The following HDAC4 variants were observed in gnomAD, a reference collection of about 807,000 sequenced individuals.
HDAC4 encodes histone deacetylase 4, also known as histone deacetylase A.
A neutral mutation model predicts 135.1 loss-of-function variants in HDAC4; 16 were observed. The observed-to-expected ratio is 0.12, with a 90% CI of 0.08 to 0.18. HDAC4 has a LOEUF of 0.18. HDAC4 is among the 10% of genes least tolerant of loss of function. The probability of loss-of-function intolerance (pLI) is 1.00; values close to 1 mark genes in which losing one functional copy is unlikely to be tolerated. For synonymous variants in HDAC4, 685 were observed against 653.4 expected (o/e 1.05, Z -0.74); for missense variants, 1,143 against 1,511.8 (o/e 0.76, Z 4.05).
At position 239,126,567 on chromosome 2, in the gene HDAC4, C is replaced by A; in HGVS notation, c.1422G>T (p.Pro474=). ...GCAGAGCCTGGGCGTTCTGGGGCAG[C>A]GGGGCCGACTGGGTCCGCCCCAGTG... ...HRPLGRTQSA[P]LPQNAQALQH... The change falls in exon 12 of 27, where the codon CCG becomes CCT. Residue 474 remains proline, a synonymous_variant. Coordinates refer to ENST00000543185, the MANE Select transcript of HDAC4 (RefSeq NM_001378414.1). The A allele has an allele frequency of 6.2e-7, 1 of 1,613,712 alleles. No individual in the cohort carries two copies. The highest frequency in any genetic ancestry group is 8.5e-7 in the Non-Finnish European group (1 of 1,179,928).
chr2:239,136,950 C>T (rs56019755), intron 9 of HDAC4, among the ~76,000 whole-genome samples: 3 of 152,114 alleles, frequency 2.0e-5, no homozygotes, highest in African/African-American at 4.8e-5. Context: ...TAAAGGGCTA[C>T]TGAGGAAAAC....
chr2:239,054,890 G>GACGGGTGTTCCGAGACTGCAACTGTTTC (rs2106413113), intron 24 of HDAC4, 57 bp from the exon 25 acceptor site: 1 of 1,182,576 alleles, frequency 8.5e-7, no homozygotes, highest in Non-Finnish European at 1.3e-6. Flanking sequence ...ACGTGCGTTA[G>GACGGGTGTTCCGAGACTGCAACTGTTTC]ACGGGTGTTC....
Position 239,067,694 on chromosome 2 carries a change from G to A in HDAC4, c.2869+795C>T, listed in dbSNP as rs113744937. Among the ~76,000 whole-genome samples the A allele has an allele frequency of 3.3e-5, 5 of 152,300 alleles. 1 individual carries two copies. Among genetic ancestry groups the A allele is most frequent in the African/African-American group, 1.2e-4 (5 of 41,576 alleles). ...TGGTGGACTGTGGGAGGCCCCAGGG[G>A]AGCACAGCCACCGAGGGCTGCCTCA... On this transcript the variant is annotated intron_variant, in intron 23 of 26. Coordinates refer to ENST00000543185, the MANE Select transcript of HDAC4 (RefSeq NM_001378414.1).
At chr2:239,192,663 G>A (rs577210045) in intron 3 of HDAC4, among the ~76,000 whole-genome samples, 2 of 152,302 alleles carry the variant, frequency 1.3e-5, no homozygotes, top group Non-Finnish European at 2.9e-5. Flanking sequence ...GTGAATGACT[G>A]TCAGGTTGCG....
At chr2:239,332,885 T>G (rs1304239351) in intron 2 of HDAC4, among the ~76,000 whole-genome samples, 1 of 148,818 alleles carries the variant, frequency 6.7e-6, no homozygotes, top group Non-Finnish European at 1.5e-5. Context: ...GGGATGACAC[T>G]ACAAATCCTA....
rs1172289912 is a variant in HDAC4, at chr2:239,050,536, C to G, written c.*2561G>C. ...AGGGAGGGGAAAGTCAAACAAGTCC[C>G]AAGACCGTTCTGCCTGCTCTCAAAC... On this transcript the variant is annotated 3_prime_UTR_variant, in exon 27 of 27. Coordinates refer to ENST00000543185, the MANE Select transcript of HDAC4 (RefSeq NM_001378414.1). 1 of 152,600 alleles carries G rather than the reference C, an allele frequency of 6.6e-6. No homozygotes were observed. The highest frequency in any genetic ancestry group is 1.5e-5 in the Non-Finnish European group (1 of 68,092). The allele number at this position is 152,600 out of a possible 1,614,324, so 9.5% of individuals were successfully genotyped here.
chr2:239,352,808 C>A lies in HDAC4; in HGVS notation c.-109G>T. 1 of 1,114,548 alleles carries A rather than the reference C, an allele frequency of 9.0e-7. No individual in the cohort carries two copies. The highest frequency in any genetic ancestry group is 1.3e-5 in the South Asian group (1 of 75,162). 69.0% of individuals were successfully genotyped at this position (1,114,548 alleles called of 1,614,324 possible). A position where few individuals can be genotyped will look rare whatever the true frequency, so the allele number is the denominator to read the frequency against. On this transcript the variant is annotated 5_prime_UTR_variant, in exon 2 of 27. Transcript: ENST00000543185. The surrounding 1 kb of genome is among the most constrained non-coding windows in gnomAD (Gnocchi z 4.4). The stretch of plus-strand genomic sequence containing the variant: ...CCACCAACACATACAAGTACCGGGA[C>A]GGTGAGGGCTGGGTCACAGACGTTC...
At chr2:239,265,646 C>T (rs996692752) in intron 2 of HDAC4, among the ~76,000 whole-genome samples, 1 of 152,192 alleles carries the variant, frequency 6.6e-6, no homozygotes, top group Non-Finnish European at 1.5e-5. Flanking sequence ...GATGCCAATG[C>T]TCACCAGGCC....
chr2:239,169,279 A>G (rs2043301271), intron 5 of HDAC4, among the ~76,000 whole-genome samples: 1 of 152,238 alleles, frequency 6.6e-6, no homozygotes, highest in Non-Finnish European at 1.5e-5. Context: ...GAACCACAGA[A>G]GCGTGGAGGG....
rs546519650 is a variant in HDAC4, at chr2:239,262,224, T to C, written c.23-25560A>G. Among the ~76,000 whole-genome samples the C allele has an allele frequency of 5.3e-5, 8 of 152,320 alleles. 1 individual carries two copies. In the South Asian group the frequency reaches 1.5e-3, roughly 28 times the overall value. Reference sequence around the variant, plus strand: ...TTTTATAAGCTAGTATTTCCTCCTGTGGTGTCTCCTTGGGGGAATCCTAAA... The same window carrying C: ...TTTTATAAGCTAGTATTTCCTCCTGCGGTGTCTCCTTGGGGGAATCCTAAA... On this transcript the variant is annotated intron_variant, in intron 2 of 26. Coordinates refer to ENST00000543185, the MANE Select transcript of HDAC4 (RefSeq NM_001378414.1). The surrounding 1 kb of genome is among the most constrained non-coding windows in gnomAD (Gnocchi z 4.1).
intron 14 of HDAC4, among the ~76,000 whole-genome samples, chr2:239,111,055 G>T (rs749953828): frequency 6.6e-6 from 1 of 152,262 alleles, no homozygotes; most frequent in Non-Finnish European, 1.5e-5. Context: ...CCCACAGCGT[G>T]TCCCAGGGGT....
chr2:239,077,475 G>A (rs1032065965), intron 22 of HDAC4, among the ~76,000 whole-genome samples: 2 of 152,252 alleles, frequency 1.3e-5, no homozygotes, highest in African/African-American at 2.4e-5. Flanking sequence ...TCCACTGTTC[G>A]CTTCTTACAG....
intron 2 of HDAC4, among the ~76,000 whole-genome samples, chr2:239,334,010 A>C (rs1296427584): frequency 2.0e-5 from 3 of 152,234 alleles, no homozygotes; most frequent in Non-Finnish European, 4.4e-5. Flanking sequence ...AAAGTTTTAA[A>C]AATTAGCAAA....
At chr2:239,172,286 G>GGA (rs1559551671) in intron 5 of HDAC4, among the ~76,000 whole-genome samples, 21 of 89,176 alleles carry the variant, frequency 2.4e-4, no homozygotes, top group South Asian at 1.4e-3. Context: ...CCAAGCTGGT[G>GGA]AAAAAAAATA....
Position 239,189,938 on chromosome 2 carries a change from G to A in HDAC4, c.234C>T (p.Leu78=), listed in dbSNP as rs1559202245. ...GCCTCTGGATCTGCTGCTTCTGCTT[G>A]AGCGCCAGGAGCTCCTGCTGCAGCT... The part of the protein sequence containing the change: ...EQQLQQELLA[L]KQKQQIQRQI... Residue 78 remains leucine (L), a synonymous_variant, in exon 4 of 27, where the codon CTC becomes CTT. Coordinates refer to ENST00000543185, the MANE Select transcript of HDAC4 (RefSeq NM_001378414.1). 6.2e-7 allele frequency: 1 copy of A among 1,610,122 alleles called. No homozygotes were observed.
chr2:239,124,649 C>T lies in HDAC4; in HGVS notation c.1533+1807G>A, dbSNP rs926311806. Among the ~76,000 whole-genome samples, 58 of 115,206 alleles carry T rather than the reference C, an allele frequency of 5.0e-4. 2 individuals are homozygous for T. The highest frequency in any genetic ancestry group is 1.5e-3 in the African/African-American group (37 of 25,450). The allele number at this position is 115,206 out of a possible 152,430, so 75.6% of individuals were successfully genotyped here. On this transcript the variant is annotated intron_variant, in intron 12 of 26. Coordinates refer to ENST00000543185, the MANE Select transcript of HDAC4 (RefSeq NM_001378414.1). ...CGGCATGTGGCCGCACATCATTCCA[C>T]GTTATATGACATTCCGGTGTGCCGG...
chr2:239,258,499 C>A (rs568964648), intron 2 of HDAC4, among the ~76,000 whole-genome samples: 1 of 152,316 alleles, frequency 6.6e-6, no homozygotes, highest in East Asian at 1.9e-4. Context: ...ACAGTAATAT[C>A]TTTCACAGTG....
chr2:239,154,422 T>C (rs1352692064), intron 7 of HDAC4, among the ~76,000 whole-genome samples: 1 of 152,028 alleles, frequency 6.6e-6, no homozygotes, highest in Non-Finnish European at 1.5e-5. Context: ...ACGGAAGGCA[T>C]TTGTTTCAGG....
At chr2:239,227,685 A>G (rs1334510907) in intron 3 of HDAC4, among the ~76,000 whole-genome samples, 1 of 152,224 alleles carries the variant, frequency 6.6e-6, no homozygotes, top group East Asian at 1.9e-4. Context: ...ACAGGAGGGC[A>G]TGCCTCGGGT....
Sources: allele counts gnomAD v4.1 joint callset (sites outside exome capture counted in the v4.1 genomes callset), GRCh38; gene constraint gnomAD v4.1.1; non-coding constraint Gnocchi (gnomAD v3.1); transcripts MANE v1.5; gene names NCBI Gene and HGNC (gene_info 2026-07-23, HGNC 2026-07-21).